The following IQSEC1 variants were observed in gnomAD, a reference collection of about 807,000 sequenced individuals.
IQSEC1 encodes IQ motif and Sec7 domain ArfGEF 1.
Under a neutral mutation model 91.0 loss-of-function variants are expected in IQSEC1, and 31 were observed. The ratio of observed to expected loss-of-function variants is 0.34; its 90% CI spans 0.26 to 0.46. IQSEC1 has a LOEUF of 0.46. Among genes scored for constraint, IQSEC1 ranks in the 20% least tolerant of loss-of-function variants. IQSEC1 has a pLI of 1.00. For missense variants in IQSEC1, 1,388 were observed against 1,575.6 expected (o/e 0.88, Z 2.02); for synonymous variants, 699 against 662.6 (o/e 1.05, Z -0.84).
intron 6 of IQSEC1, among the ~76,000 whole-genome samples, chr3:12,919,966 C>T (rs1049314764): frequency 2.6e-5 from 4 of 152,248 alleles, no homozygotes; most frequent in Non-Finnish European, 2.9e-5. Flanking sequence ...AGCCGGAAGC[C>T]GCACTGGGCT....
chr3:12,949,845 C>T (rs1351998444), intron 1 of IQSEC1, among the ~76,000 whole-genome samples: 1 of 152,206 alleles, frequency 6.6e-6, no homozygotes, highest in Non-Finnish European at 1.5e-5. Context: ...CCTGCCAGGT[C>T]TCTGCAGGGT....
chr3:13,010,671 T>C (rs1382240594), intron 1 of IQSEC1, among the ~76,000 whole-genome samples: 1 of 152,160 alleles, frequency 6.6e-6, no homozygotes, highest in African/African-American at 2.4e-5. Context: ...CTTAAGCCCG[T>C]CAAGCCAGTC....
chr3:12,951,786 G>A (rs1367093975), intron 1 of IQSEC1, among the ~76,000 whole-genome samples: 1 of 152,172 alleles, frequency 6.6e-6, no homozygotes, highest in East Asian at 1.9e-4. Context: ...GGGTGGTGAG[G>A]AGGAGGGGTG....
intron 1 of IQSEC1, among the ~76,000 whole-genome samples, chr3:12,959,318 G>A (rs1006869539): frequency 3.3e-5 from 5 of 152,192 alleles, no homozygotes; most frequent in Admixed American, 1.3e-4. Flanking sequence ...CAGGGCAACA[G>A]GGAGACCCTG....
chr3:13,258,692 T>C (rs1339899292), intron 1 of IQSEC1, among the ~76,000 whole-genome samples: 1 of 151,862 alleles, frequency 6.6e-6, no homozygotes, highest in Non-Finnish European at 1.5e-5. Flanking sequence ...AAAATAAAGA[T>C]TAAATAAATA....
rs150407029 is a variant in IQSEC1, at chr3:13,035,930, G to A, written c.23+37062C>T. ...ACGCCCAGGCCACATGGAGAGTCCC[G>A]TGCAGGTGTTTTGGCTGCCAGCCCT... is the stretch of plus-strand genomic sequence containing the variant. On this transcript the variant is annotated intron_variant, in intron 1 of 13. Coordinates refer to ENST00000613206, the MANE Select transcript of IQSEC1 (RefSeq NM_001134382.3). Among the ~76,000 whole-genome samples the A allele has an allele frequency of 6.1e-3, 934 of 152,324 alleles. 10 individuals are homozygous for A. Among genetic ancestry groups the A allele is most frequent in the African/African-American group, 0.021 (877 of 41,570 alleles).
intron 2 of IQSEC1, among the ~76,000 whole-genome samples, chr3:13,085,425 C>T (rs982705682): frequency 2.0e-4 from 30 of 152,104 alleles, no homozygotes; most frequent in African/African-American, 6.5e-4. Flanking sequence ...CAGACAGGAA[C>T]CCTTCAGTGC....
intron 1 of IQSEC1, among the ~76,000 whole-genome samples, chr3:12,977,231 C>T (rs572186910): frequency 2.6e-5 from 4 of 152,058 alleles, no homozygotes; most frequent in Admixed American, 2.6e-4. Context: ...GCCTGTGGTT[C>T]CAGCTACTAG....
intron 2 of IQSEC1, among the ~76,000 whole-genome samples, chr3:13,133,851 G>A (rs987949589): frequency 6.6e-6 from 1 of 152,170 alleles, no homozygotes; most frequent in African/African-American, 2.4e-5. Flanking sequence ...GCTTAGCTCC[G>A]AGACCTCCAT....
intron 1 of IQSEC1, among the ~76,000 whole-genome samples, chr3:13,242,130 G>C (rs73136117): frequency 0.027 from 4,044 of 152,268 alleles, 188 homozygotes; most frequent in African/African-American, 0.09. Context: ...CCTTCACTGT[G>C]AGAGCCCCAG....
intron 1 of IQSEC1, among the ~76,000 whole-genome samples, chr3:13,051,092 G>A (rs1704674889): frequency 6.6e-6 from 1 of 152,174 alleles, no homozygotes; most frequent in Admixed American, 6.5e-5. Flanking sequence ...TGCTAGAGCT[G>A]CATCGCTTCC....
At position 12,973,152 on chromosome 3, in the gene IQSEC1, T is replaced by C. The variant is rs865919326; in HGVS notation, c.24-31287A>G. 4.6e-5 allele frequency among the ~76,000 whole-genome samples: 7 copies of C among 152,316 alleles called. No individual in the cohort carries two copies. The South Asian group carries it at 1.0e-3, about 23-fold the overall frequency. ...CTGACCTAGGCTTCTGGCCCGGGTTTCCTACGTGACACTGAACTGCTCAGG... is the reference window on the plus strand; with the variant it reads ...CTGACCTAGGCTTCTGGCCCGGGTTCCCTACGTGACACTGAACTGCTCAGG... On this transcript the variant is annotated intron_variant, in intron 1 of 13. Transcript: ENST00000613206.
chr3:13,180,430 C>G (rs113813264), intron 1 of IQSEC1, among the ~76,000 whole-genome samples: 9,620 of 151,768 alleles, frequency 0.063, 974 homozygotes, highest in African/African-American at 0.21. Flanking sequence ...GTCTAGCTCA[C>G]GGATTATAAA....
At chr3:12,997,225 G>A (rs147101981) in intron 1 of IQSEC1, among the ~76,000 whole-genome samples, 2 of 152,214 alleles carry the variant, frequency 1.3e-5, no homozygotes, top group Admixed American at 1.3e-4. Flanking sequence ...TTGTGTACAA[G>A]TTAAAAGGCT....
At chr3:13,277,005 C>T (rs1459445289) in intron 1 of IQSEC1, among the ~76,000 whole-genome samples, 1 of 149,310 alleles carries the variant, frequency 6.7e-6, no homozygotes, top group Non-Finnish European at 1.5e-5. Flanking sequence ...CCTGGCTGGC[C>T]TGTGTTGTTT....
chr3:13,145,075 C>T (rs1287808465), intron 2 of IQSEC1, among the ~76,000 whole-genome samples: 2 of 152,152 alleles, frequency 1.3e-5, no homozygotes, highest in Non-Finnish European at 1.5e-5. Flanking sequence ...GCTGCTTCCA[C>T]CTGTGAAGGG....
intron 2 of IQSEC1, among the ~76,000 whole-genome samples, chr3:13,139,775 C>A (rs1475938528): frequency 6.6e-6 from 1 of 152,194 alleles, no homozygotes; most frequent in African/African-American, 2.4e-5. Context: ...TCTCCTGATG[C>A]TTCTCCTGGA....
chr3:13,089,798 C>T (rs747337775), intron 2 of IQSEC1, among the ~76,000 whole-genome samples: 2 of 152,126 alleles, frequency 1.3e-5, no homozygotes, highest in South Asian at 2.1e-4. Flanking sequence ...AGTATGTGGA[C>T]GGCTGCGAAT....
intron 1 of IQSEC1, among the ~76,000 whole-genome samples, chr3:13,044,841 T>C (rs1704432667): frequency 6.6e-6 from 1 of 152,266 alleles, no homozygotes; most frequent in African/African-American, 2.4e-5. Context: ...CTCCGAAGGC[T>C]GGGATTCTCA....
Sources: allele counts gnomAD v4.1 joint callset (sites outside exome capture counted in the v4.1 genomes callset), GRCh38; gene constraint gnomAD v4.1.1; transcripts MANE v1.5; gene names NCBI Gene and HGNC (gene_info 2026-07-23, HGNC 2026-07-21).